ZNF83: variants seen among roughly 807,000 people sequenced by gnomAD.
ZNF83 encodes the protein zinc finger protein 83.
For missense variants in ZNF83, 552 were observed against 629.9 expected (o/e 0.88, Z 1.32); for synonymous variants, 209 against 213.0 (o/e 0.98, Z 0.17).
intron 1 of ZNF83, among the ~76,000 whole-genome samples, chr19:52,687,380 T>TAAA (rs1491104804): frequency 5.3e-4 from 9 of 16,962 alleles, no homozygotes; most frequent in African/African-American, 4.5e-3. Flanking sequence ...TAAATTATAA[T>TAAA]TTATATATAT....
chr19:52,620,911 C>G (rs1179657791), intron 2 of ZNF83, among the ~76,000 whole-genome samples: 1 of 152,174 alleles, frequency 6.6e-6, no homozygotes, highest in African/African-American at 2.4e-5. Context: ...CACTTTGTGA[C>G]CCCCTCCTCT....
At chr19:52,654,370 G>A in intron 3 of ZNF83, 2 of 1,227,030 alleles carry the variant, frequency 1.6e-6, no homozygotes, top group Non-Finnish European at 2.3e-6. Context: ...GTGCCCTGTT[G>A]ATGAGAACTC....
intron 2 of ZNF83, among the ~76,000 whole-genome samples, chr19:52,633,729 G>A (rs1225163118): frequency 6.6e-6 from 1 of 152,034 alleles, no homozygotes; most frequent in African/African-American, 2.4e-5. Flanking sequence ...TGGCCAACAT[G>A]GAGAAACCTC....
At chr19:52,653,016 A>G (rs1248497288) in intron 3 of ZNF83, 17 of 1,429,920 alleles carry the variant, frequency 1.2e-5, no homozygotes, top group Non-Finnish European at 1.7e-5. Flanking sequence ...GATGTTGTGC[A>G]AGGTTTGACT....
At chr19:52,674,045 A>G (rs1446270726) in intron 1 of ZNF83, 1 of 151,604 alleles carries the variant, frequency 6.6e-6, no homozygotes, top group African/African-American at 2.4e-5. Flanking sequence ...AAAATTACCA[A>G]TGTCAACTGA....
rs949418128 is a variant in ZNF83 at position 52,630,823 on chromosome 19, G to A, written c.-234+4243C>T. Among the ~76,000 whole-genome samples the A allele has an allele frequency of 1.8e-4, 27 of 152,072 alleles. 1 individual carries two copies. The South Asian group carries it at 1.9e-3, about 11-fold the overall frequency. ...TGTTATCACTCGCCTGTTACAGCAT[G>A]GCCTTTTAAAGCCTATAAACTCTCC... On this transcript the variant is annotated intron_variant, in intron 2 of 2. Coordinates refer to ENST00000301096, the Ensembl canonical transcript of ZNF83.
intron 2 of ZNF83, among the ~76,000 whole-genome samples, chr19:52,622,032 T>A (rs918286680): frequency 2.6e-5 from 4 of 151,994 alleles, no homozygotes. Context: ...TGAAGACCCC[T>A]CTTACCTCTC....
intron 1 of ZNF83, among the ~76,000 whole-genome samples, chr19:52,671,720 G>A (rs1188073198): frequency 6.6e-6 from 1 of 152,128 alleles, no homozygotes; most frequent in Non-Finnish European, 1.5e-5. Context: ...TGGGGTTACA[G>A]GCAAGCCACC....
rs577980604 is a variant in ZNF83 at position 52,654,481 on chromosome 19, T to C, written c.-74+1080A>G. 108 of 582,524 alleles carry C rather than the reference T, an allele frequency of 1.9e-4. 1 individual carries two copies. In the South Asian group the frequency reaches 4.3e-3, roughly 23 times the overall value. The allele number at this position is 582,524 out of a possible 1,614,324, so 36.1% of individuals were successfully genotyped here. ...TATTTAATACTGAAATGTGTTAATA[T>C]TACACAAAAAGCAATACTTATTTTA... On this transcript the variant is annotated intron_variant, in intron 3 of 5. Transcript: ENST00000594682.
At chr19:52,638,550 A>T (rs2061234795), upstream of ZNF83, among the ~76,000 whole-genome samples, 1 of 152,134 alleles carries the variant, frequency 6.6e-6, no homozygotes, top group Admixed American at 6.5e-5. Context: ...CGGGTTTTGG[A>T]GGCGAGACCG....
chr19:52,656,234 A>G lies in ZNF83; in HGVS notation c.-200-547T>C, dbSNP rs963311976. Among the ~76,000 whole-genome samples, 3 of 152,052 alleles carry G rather than the reference A, an allele frequency of 2.0e-5. No homozygotes were observed. The South Asian group carries it at 6.2e-4, about 32-fold the overall frequency. ...TCTCTCTCTCTCTCTCTCTATATATATATATAGCCAGGCATGGGGGCTCAC... is the reference window on the plus strand; with the variant it reads ...TCTCTCTCTCTCTCTCTCTATATATGTATATAGCCAGGCATGGGGGCTCAC... On this transcript the variant is annotated intron_variant, in intron 2 of 5. Coordinates refer to the ZNF83 transcript ENST00000594682.
At chr19:52,645,339 C>T (rs1336308121) in intron 3 of ZNF83, among the ~76,000 whole-genome samples, 1 of 152,040 alleles carries the variant, frequency 6.6e-6, no homozygotes, top group Non-Finnish European at 1.5e-5. Flanking sequence ...TTGAACCAGA[C>T]ACAAACAGAA....
intron 1 of ZNF83, among the ~76,000 whole-genome samples, chr19:52,683,622 A>G (rs1184507501): frequency 6.6e-6 from 1 of 152,100 alleles, no homozygotes; most frequent in East Asian, 1.9e-4. Context: ...GTTCACACAG[A>G]TGACAAAAAT....
intron 2 of ZNF83, 102 bp from the exon 3 acceptor site, chr19:52,614,899 T>C: frequency 9.3e-7 from 1 of 1,074,858 alleles, no homozygotes; most frequent in East Asian, 3.2e-5. Context: ...ATACTTATGT[T>C]AAAGAAAGTT....
At chr19:52,661,457 A>G (rs536917061) in intron 1 of ZNF83, among the ~76,000 whole-genome samples, 9 of 152,266 alleles carry the variant, frequency 5.9e-5, no homozygotes, top group African/African-American at 1.7e-4. Context: ...TGGATCACAG[A>G]CTGACCTCAG....
At chr19:52,673,284 C>A (rs1467861092) in intron 1 of ZNF83, among the ~76,000 whole-genome samples, 1 of 152,144 alleles carries the variant, frequency 6.6e-6, no homozygotes, top group Non-Finnish European at 1.5e-5. Flanking sequence ...ATGGGTGGAT[C>A]CCCTGAGGTC....
intron 1 of ZNF83, among the ~76,000 whole-genome samples, chr19:52,688,757 T>C (rs2062091131): frequency 6.6e-6 from 1 of 152,094 alleles, no homozygotes; most frequent in South Asian, 2.1e-4. Context: ...GTACTGCATT[T>C]ATTCACTCCA....
chr19:52,623,417 C>T (rs892142042), intron 2 of ZNF83, among the ~76,000 whole-genome samples: 1 of 152,128 alleles, frequency 6.6e-6, no homozygotes, highest in Non-Finnish European at 1.5e-5. Context: ...GCTCCTGGAC[C>T]CCTTAAAACT....
At chr19:52,613,806 G>C (rs140701245) in exon 3 of ZNF83, 5 of 1,612,414 alleles carry the variant, frequency 3.1e-6, no homozygotes, top group Non-Finnish European at 4.2e-6. Flanking sequence ...CAGTATGAAT[G>C]ATCAGATGTT....
Sources: gnomAD v4.1 joint callset for allele counts (sites outside exome capture counted in the v4.1 genomes callset) on GRCh38, gnomAD v4.1.1 for gene constraint, MANE v1.5 for transcripts, NCBI Gene and HGNC (gene_info 2026-07-23, HGNC 2026-07-21) for gene names.